Variants in CEP85L observed in about 807,000 individuals in gnomAD.
CEP85L encodes the protein centrosomal protein of 85 kDa-like.
A neutral mutation model predicts 100.3 loss-of-function variants in CEP85L; 60 were observed. That is an observed-to-expected ratio of 0.60 (90% confidence interval 0.49 to 0.74). The LOEUF (loss-of-function observed/expected upper bound fraction) is 0.74, where lower values mean the gene tolerates loss of function less well. Ranked by LOEUF, CEP85L falls within the 30% of genes least tolerant of loss-of-function variation. The pLI, the probability that CEP85L is intolerant of heterozygous loss-of-function variation, is 0.00. For synonymous variants in CEP85L, 319 were observed against 322.7 expected (o/e 0.99, Z 0.12); for missense variants, 973 against 936.2 (o/e 1.04, Z -0.51).
intron 1 of CEP85L, among the ~76,000 whole-genome samples, chr6:118,645,072 T>C (rs1304184934): frequency 3.9e-5 from 6 of 152,190 alleles, no homozygotes; most frequent in East Asian, 3.9e-4. Flanking sequence ...CTAACATTAT[T>C]ATCAGGCCTT....
At position 118,644,117 on chromosome 6, in the gene CEP85L, A is replaced by G. The variant is rs540528519; in HGVS notation, c.73+7080T>C. On this transcript the variant is annotated intron_variant, in intron 1 of 12. Transcript: ENST00000368491. ...ATAATCTCTAATTTCTGCTAGGTTT[A>G]TATTTTTAAGTATCTCACTGAAACT... Among the ~76,000 whole-genome samples the G allele has an allele frequency of 1.1e-4, 17 of 152,324 alleles. No homozygotes were observed. In the South Asian group the frequency reaches 3.5e-3, roughly 32 times the overall value.
chr6:118,496,714 C>G (rs1267167943), intron 5 of CEP85L, among the ~76,000 whole-genome samples: 2 of 152,132 alleles, frequency 1.3e-5, no homozygotes, highest in East Asian at 3.8e-4. Context: ...AAGAGCCACT[C>G]CAGAGATTTC....
At chr6:118,540,028 CA>C (rs1368529023) in intron 3 of CEP85L, among the ~76,000 whole-genome samples, 5 of 150,230 alleles carry the variant, frequency 3.3e-5, no homozygotes, top group Admixed American at 1.3e-4. Flanking sequence ...AAAACAGGAA[CA>C]AGTTGATTGC....
chr6:118,645,569 G>C (rs546010035), intron 1 of CEP85L, among the ~76,000 whole-genome samples: 173 of 152,284 alleles, frequency 1.1e-3, no homozygotes, highest in African/African-American at 3.9e-3. Flanking sequence ...GAGCCTGAGA[G>C]GCTGAAGTGA....
chr6:118,600,370 T>TGTGTGTGG (rs58066356), intron 2 of CEP85L, among the ~76,000 whole-genome samples: 1,057 of 86,380 alleles, frequency 0.012, 226 homozygotes, highest in African/African-American at 0.02. Flanking sequence ...TGTGTGTGTG[T>TGTGTGTGG]AACGCCATGG....
chr6:118,694,289 A>T lies in CEP85L; in HGVS notation c.-28+15747T>A, dbSNP rs192861459. 6.0e-4 allele frequency among the ~76,000 whole-genome samples: 91 copies of T among 152,342 alleles called. 3 individuals are homozygous for T. Among genetic ancestry groups the T allele is most frequent in the Admixed American group, 5.0e-3 (76 of 15,304 alleles). On this transcript the variant is annotated intron_variant, in intron 1 of 13. Coordinates refer to the CEP85L transcript ENST00000368488. ...CATCTCCCAGTTCAATCATAATCCC[A>T]TCTTGATATAAACTATGGATTACAT...
chr6:118,630,447 G>C (rs941125232), intron 2 of CEP85L, among the ~76,000 whole-genome samples: 5 of 152,250 alleles, frequency 3.3e-5, no homozygotes, highest in Admixed American at 2.6e-4. Context: ...TCAGCTGACA[G>C]AGTTGAAAGC....
At chr6:118,684,594 T>C (rs562853793) in intron 1 of CEP85L, among the ~76,000 whole-genome samples, 148 of 152,354 alleles carry the variant, frequency 9.7e-4, no homozygotes, top group African/African-American at 3.4e-3. Context: ...AAATTATTAG[T>C]GACCTGCAGG....
intron 2 of CEP85L, among the ~76,000 whole-genome samples, chr6:118,578,363 T>C (rs1780365049): frequency 6.6e-6 from 1 of 152,196 alleles, no homozygotes; most frequent in African/African-American, 2.4e-5. Context: ...TCTTAGCCAA[T>C]TGGGTTAATT....
intron 1 of CEP85L, among the ~76,000 whole-genome samples, chr6:118,701,203 G>A (rs1442427901): frequency 6.6e-6 from 1 of 152,172 alleles, no homozygotes; most frequent in Non-Finnish European, 1.5e-5. Flanking sequence ...AATTAGTTCA[G>A]CCACTGTGGA....
chr6:118,485,944 T>C (rs1431208734), intron 6 of CEP85L, among the ~76,000 whole-genome samples: 1 of 152,232 alleles, frequency 6.6e-6, no homozygotes, highest in Admixed American at 6.5e-5. Context: ...CAAAAAGCAA[T>C]GACTGGAATA....
intron 1 of CEP85L, among the ~76,000 whole-genome samples, chr6:118,694,762 TG>T (rs1477488833): frequency 6.6e-6 from 1 of 152,112 alleles, no homozygotes; most frequent in African/African-American, 2.4e-5. Flanking sequence ...GAAAAAAAAG[TG>T]GGGGCAGATA....
At chr6:118,643,276 G>A (rs1375209575) in intron 1 of CEP85L, among the ~76,000 whole-genome samples, 1 of 152,124 alleles carries the variant, frequency 6.6e-6, no homozygotes, top group African/African-American at 2.4e-5. Context: ...GTATTAATGA[G>A]AATGCTTTAG....
chr6:118,626,943 T>C (rs182034351), intron 2 of CEP85L, among the ~76,000 whole-genome samples: 1 of 152,298 alleles, frequency 6.6e-6, no homozygotes, highest in African/African-American at 2.4e-5. Context: ...CTCATGCCTG[T>C]AATCCCAGCA....
intron 2 of CEP85L, among the ~76,000 whole-genome samples, chr6:118,577,961 G>A (rs908765854): frequency 1.3e-5 from 2 of 152,152 alleles, no homozygotes; most frequent in African/African-American, 4.8e-5. Context: ...AACCCCTCAT[G>A]ATTCTCCCCT....
chr6:118,604,906 G>C (rs1332814237), intron 2 of CEP85L, among the ~76,000 whole-genome samples: 1 of 139,926 alleles, frequency 7.1e-6, no homozygotes, highest in African/African-American at 2.6e-5. Flanking sequence ...GATTACTAAA[G>C]TCACGTGAAC....
At chr6:118,662,909 T>C (rs1390027153) in intron 1 of CEP85L, among the ~76,000 whole-genome samples, 1 of 152,144 alleles carries the variant, frequency 6.6e-6, no homozygotes, top group East Asian at 1.9e-4. Flanking sequence ...CCTGATATAG[T>C]GGAAAGAGCA....
intron 1 of CEP85L, among the ~76,000 whole-genome samples, chr6:118,635,402 A>G (rs1393804753): frequency 6.6e-6 from 1 of 152,180 alleles, no homozygotes; most frequent in Non-Finnish European, 1.5e-5. Context: ...ATTTACATAC[A>G]TGGAAGAAGC....
chr6:118,623,503 G>A (rs1773583313), intron 2 of CEP85L, among the ~76,000 whole-genome samples: 1 of 152,180 alleles, frequency 6.6e-6, no homozygotes, highest in African/African-American at 2.4e-5. Context: ...GAATTTCCAA[G>A]GCACTAGGAA....
Sources: gnomAD v4.1 joint callset for allele counts (sites outside exome capture counted in the v4.1 genomes callset) on GRCh38, gnomAD v4.1.1 for gene constraint, MANE v1.5 for transcripts, NCBI Gene and HGNC (gene_info 2026-07-23, HGNC 2026-07-21) for gene names.